Variants in GLI3 observed in about 807,000 individuals in gnomAD.
GLI3 encodes the protein transcription activator GLI3.
A neutral mutation model predicts 100.8 loss-of-function variants in GLI3; 20 were observed. The observed-to-expected ratio is 0.20, with a 90% confidence interval of 0.14 to 0.29. The LOEUF is 0.29. Among genes scored for constraint, GLI3 ranks in the 10% least tolerant of loss-of-function variants. The pLI is 1.00. For missense variants in GLI3, 2,040 were observed against 2,128.5 expected, an observed-to-expected ratio of 0.96 and a Z score of 0.82; for synonymous variants, 938 against 860.5, an observed-to-expected ratio of 1.09 and a Z score of -1.58.
chr7:42,063,403 C>T (rs1231141690), intron 4 of GLI3, among the ~76,000 whole-genome samples: 1 of 152,172 alleles, frequency 6.6e-6, no homozygotes, highest in African/African-American at 2.4e-5. Context: ...GGTTCCCTAT[C>T]ACTTTTGGTT....
chr7:42,130,225 C>T (rs746051590), intron 3 of GLI3, among the ~76,000 whole-genome samples: 2 of 152,122 alleles, frequency 1.3e-5, no homozygotes, highest in East Asian at 1.9e-4. Context: ...AACTGATACA[C>T]GTGGTCAGGA....
intron 6 of GLI3, among the ~76,000 whole-genome samples, chr7:42,045,082 C>T (rs145520707): frequency 6.6e-4 from 101 of 152,240 alleles, no homozygotes; most frequent in Non-Finnish European, 1.0e-3. Context: ...AGATAGATCT[C>T]GCTATGTCAC....
chr7:42,096,467 G>C (rs1026140370), intron 3 of GLI3, among the ~76,000 whole-genome samples: 4 of 152,190 alleles, frequency 2.6e-5, no homozygotes, highest in Non-Finnish European at 4.4e-5. Context: ...CTTCAAACTT[G>C]GTAGCATTGC....
In GLI3 at chr7:42,088,015, GA is replaced by G. The variant is rs571330472; in HGVS notation, c.368-11159del. 7.2e-5 allele frequency among the ~76,000 whole-genome samples: 11 copies of G among 152,256 alleles called. No individual in the cohort carries two copies. The East Asian group carries it at 2.1e-3, about 29-fold the overall frequency. On this transcript the variant is annotated intron_variant, in intron 3 of 14. Transcript: ENST00000395925. ...TGAAAGGATGAGCAAGGAAATGATAGAAAAGGGAGAGAATCCCCCGCTGCTT... is the reference window on the plus strand; with the variant it reads ...TGAAAGGATGAGCAAGGAAATGATAGAAAGGGAGAGAATCCCCCGCTGCTT...
At chr7:41,980,859 T>G (rs1787646110) in intron 10 of GLI3, among the ~76,000 whole-genome samples, 1 of 152,218 alleles carries the variant, frequency 6.6e-6, no homozygotes, top group African/African-American at 2.4e-5. Context: ...ACATGATTCT[T>G]GCCCCAAGGA....
chr7:42,130,019 A>G (rs970211775), intron 3 of GLI3, among the ~76,000 whole-genome samples: 8 of 152,090 alleles, frequency 5.3e-5, no homozygotes, highest in African/African-American at 1.9e-4. Context: ...CCCTGTTTCC[A>G]CCCAGGTCTA....
intron 10 of GLI3, among the ~76,000 whole-genome samples, chr7:42,013,498 G>A (rs757145230): frequency 2.0e-5 from 3 of 151,906 alleles, no homozygotes; most frequent in Non-Finnish European, 4.4e-5. Context: ...CAAGTAGCTG[G>A]GACTACAGGT....
intron 4 of GLI3, among the ~76,000 whole-genome samples, chr7:42,074,679 G>C (rs1374655896): frequency 6.6e-6 from 1 of 152,068 alleles, no homozygotes. Context: ...CGTCCACCCA[G>C]GGCCCTGCCA....
chr7:41,979,100 T>C (rs7802385), intron 10 of GLI3, among the ~76,000 whole-genome samples: 13,245 of 152,206 alleles, frequency 0.087, 661 homozygotes, highest in African/African-American at 0.12. Context: ...CCTTTCTGAA[T>C]CTCTGTCATT....
At chr7:41,995,732 T>A (rs1788105125) in intron 10 of GLI3, among the ~76,000 whole-genome samples, 1 of 151,814 alleles carries the variant, frequency 6.6e-6, no homozygotes, top group African/African-American at 2.4e-5. Context: ...TGTGTACCCA[T>A]TAAAATAAAT....
intron 3 of GLI3, among the ~76,000 whole-genome samples, chr7:42,121,422 C>A (rs1261734566): frequency 2.0e-5 from 3 of 152,196 alleles, no homozygotes; most frequent in Non-Finnish European, 4.4e-5. Context: ...AAGTTTGGTG[C>A]AGTGAAGGTA....
chr7:41,988,105 T>A (rs1367267942), intron 10 of GLI3, among the ~76,000 whole-genome samples: 1 of 152,148 alleles, frequency 6.6e-6, no homozygotes, highest in Non-Finnish European at 1.5e-5. Flanking sequence ...CCTGCTATGG[T>A]CTGAATGTGT....
chr7:42,072,403 T>C (rs1020269153), intron 4 of GLI3, among the ~76,000 whole-genome samples: 2 of 152,252 alleles, frequency 1.3e-5, no homozygotes, highest in African/African-American at 4.8e-5. Context: ...AGCTACTTTA[T>C]AATTTGGGTT....
intron 4 of GLI3, among the ~76,000 whole-genome samples, chr7:42,074,627 G>A (rs1054128456): frequency 2.0e-5 from 3 of 152,152 alleles, no homozygotes; most frequent in African/African-American, 4.8e-5. Flanking sequence ...ACACAGGGGC[G>A]TGACATGCCC....
intron 3 of GLI3, among the ~76,000 whole-genome samples, chr7:42,102,135 G>A (rs966798676): frequency 2.6e-5 from 4 of 151,900 alleles, no homozygotes; most frequent in South Asian, 2.1e-4. Context: ...GAATAATGCC[G>A]CTGTAAACAT....
rs541625560 is a variant in GLI3 at position 42,124,551 on chromosome 7, C to T, written c.367+23675G>A. The stretch of plus-strand genomic sequence containing the variant: ...CACTGACCAAGGGATGAAAAGCGTC[C>T]GTGTACTATTAGTAATTCTCAGAAT... On this transcript the variant is annotated intron_variant, in intron 3 of 14. Transcript: ENST00000395925. Among the ~76,000 whole-genome samples, 5 of 152,268 alleles carry T rather than the reference C, an allele frequency of 3.3e-5. No homozygotes were observed. In the East Asian group the frequency reaches 5.8e-4, roughly 18 times the overall value.
intron 10 of GLI3, among the ~76,000 whole-genome samples, chr7:41,998,500 T>A (rs1788194663): frequency 6.6e-6 from 1 of 152,202 alleles, no homozygotes; most frequent in Admixed American, 6.5e-5. Context: ...CTCACTTATA[T>A]AATTTTTCCC....
At chr7:42,210,790 G>A (rs1425747374) in intron 2 of GLI3, among the ~76,000 whole-genome samples, 1 of 152,044 alleles carries the variant, frequency 6.6e-6, no homozygotes, top group Non-Finnish European at 1.5e-5. Flanking sequence ...TACTTTGCAT[G>A]TATCCAGATG....
At chr7:42,229,735 C>A (rs531428982) in intron 1 of GLI3, among the ~76,000 whole-genome samples, 1 of 152,066 alleles carries the variant, frequency 6.6e-6, no homozygotes, top group Non-Finnish European at 1.5e-5. Flanking sequence ...TATTTAATAA[C>A]CCATTTCTCA....
Sources: gnomAD v4.1 joint callset for allele counts (sites outside exome capture counted in the v4.1 genomes callset) on GRCh38, gnomAD v4.1.1 for gene constraint, MANE v1.5 for transcripts, NCBI Gene and HGNC (gene_info 2026-07-23, HGNC 2026-07-21) for gene names.